The following FIGN variants were observed in gnomAD, a reference collection of about 807,000 sequenced individuals.
FIGN encodes fidgetin, microtubule severing factor.
FIGN carries 11 observed loss-of-function variants against 51.3 expected under a neutral mutation model. That is an observed-to-expected ratio of 0.21 (90% CI 0.13 to 0.35). FIGN has a LOEUF of 0.35. Among genes scored for constraint, FIGN ranks in the 10% least tolerant of loss-of-function variants. The pLI, the probability that FIGN is intolerant of heterozygous loss-of-function variation, is 1.00. For synonymous variants in FIGN, 407 were observed against 363.2 expected, an observed-to-expected ratio of 1.12 and a Z score of -1.37; for missense variants, 857 against 943.6, an observed-to-expected ratio of 0.91 and a Z score of 1.20.
chr2:163,710,916 T>G (rs1012786677), intron 2 of FIGN, among the ~76,000 whole-genome samples: 1 of 152,202 alleles, frequency 6.6e-6, no homozygotes, highest in Non-Finnish European at 1.5e-5. Flanking sequence ...CTGTACACAA[T>G]GGCTTGTCTG....
At chr2:163,733,472 C>T (rs1684962967) in intron 2 of FIGN, among the ~76,000 whole-genome samples, 1 of 152,164 alleles carries the variant, frequency 6.6e-6, no homozygotes, top group Non-Finnish European at 1.5e-5. Context: ...GGCAGCAGCC[C>T]AATCTGCTCT....
rs201811743 is a variant in FIGN at position 163,610,491 on chromosome 2, G to C, written c.1341C>G (p.Leu447=). ...LLSHPMQGPG[L]RAATSSNHSV... ...AGTGGTTGGATGAGGTAGCTGCACG[G>C]AGTCCAGGGCCTTGCATTGGGTGAG... Residue 447 remains leucine (L), a synonymous_variant, in exon 3 of 3, where the codon CTC becomes CTG. Coordinates refer to ENST00000333129, the MANE Select transcript of FIGN (RefSeq NM_018086.4). 6.2e-7 allele frequency: 1 copy of C among 1,614,136 alleles called. No homozygotes were observed. The highest frequency in any genetic ancestry group is 1.7e-5 in the Admixed American group (1 of 60,014).
Position 163,660,879 on chromosome 2 carries a change from ATTTTTTTTT to A in FIGN, c.26-49082_26-49074del, listed in dbSNP as rs71015599. Among the ~76,000 whole-genome samples the A allele has an allele frequency of 3.0e-4, 2 of 6,668 alleles. 1 individual carries two copies. Among genetic ancestry groups the A allele is most frequent in the Admixed American group, 5.6e-3 (2 of 360 alleles). The allele number at this position is 6,668 out of a possible 152,430, so 4.4% of individuals were successfully genotyped here. On this transcript the variant is annotated intron_variant, in intron 2 of 2. Transcript: ENST00000333129. ...TATACATATATATATATATATATAT[ATTTTTTTTT>A]TTTTTTTTTTTTTTTTTGAGATGGA...
intron 2 of FIGN, among the ~76,000 whole-genome samples, chr2:163,679,096 G>A (rs907456516): frequency 1.1e-4 from 17 of 152,092 alleles, no homozygotes; most frequent in Admixed American, 5.2e-4. Context: ...ATTCTTATAC[G>A]TTGAAGTTGA....
intron 2 of FIGN, chr2:163,612,471 G>A (rs1682766507): frequency 1.0e-6 from 1 of 985,134 alleles, no homozygotes; most frequent in Non-Finnish European, 1.2e-6. Context: ...GCTTCGTGGA[G>A]TGCAGCAAAG....
At chr2:163,680,569 G>A (rs965393057) in intron 2 of FIGN, among the ~76,000 whole-genome samples, 27 of 152,090 alleles carry the variant, frequency 1.8e-4, no homozygotes, top group African/African-American at 6.5e-4. Context: ...GAATTGATTT[G>A]CTCTTCTAGA....
intron 1 of FIGN, among the ~76,000 whole-genome samples, chr2:163,735,340 C>T (rs1320388983): frequency 6.6e-6 from 1 of 152,164 alleles, no homozygotes; most frequent in Non-Finnish European, 1.5e-5. Flanking sequence ...GATGTGCTTA[C>T]ATTTTTCTGC....
chr2:163,682,679 C>T (rs1024537728), intron 2 of FIGN, among the ~76,000 whole-genome samples: 2 of 152,256 alleles, frequency 1.3e-5, no homozygotes, highest in Middle Eastern at 3.4e-3. Flanking sequence ...TTTAAAAAGG[C>T]ATTCTTGTTA....
intron 2 of FIGN, among the ~76,000 whole-genome samples, chr2:163,676,464 T>G (rs1311278179): frequency 9.5e-6 from 1 of 104,800 alleles, no homozygotes. Context: ...TATATATATA[T>G]ATATATATAT....
chr2:163,618,560 A>G (rs1403315172), intron 2 of FIGN, among the ~76,000 whole-genome samples: 1 of 152,120 alleles, frequency 6.6e-6, no homozygotes, highest in East Asian at 1.9e-4. Flanking sequence ...TGGTTTGGCC[A>G]GCACAGGGCT....
At chr2:163,669,035 T>TATATATATATATATAC (rs1253146995) in intron 2 of FIGN, among the ~76,000 whole-genome samples, 10 of 148,588 alleles carry the variant, frequency 6.7e-5, no homozygotes, top group South Asian at 2.1e-4. Flanking sequence ...TATATATATA[T>TATATATATATATATAC]ACACTATAAA....
rs536863884 is a variant in FIGN at position 163,614,912 on chromosome 2, A to T, written c.26-3106T>A. ...ATATTATTCATACAAGAGATGAAAA[A>T]ATGATTTTAATAAGTTATAATCACT... On this transcript the variant is annotated intron_variant, in intron 2 of 2. Coordinates refer to ENST00000333129, the MANE Select transcript of FIGN (RefSeq NM_018086.4). 1.1e-4 allele frequency among the ~76,000 whole-genome samples: 16 copies of T among 152,278 alleles called. No homozygotes were observed. The South Asian group carries it at 3.1e-3, about 30-fold the overall frequency.
In FIGN at chr2:163,611,567, T is replaced by C. The variant is rs768525808; in HGVS notation, c.265A>G (p.Ser89Gly). Residue 89 changes from serine to glycine, a missense_variant, in exon 3 of 3, where the codon AGC becomes GGC. By Grantham distance (56) the Ser-to-Gly change is moderately conservative. Around this residue, in one of 3 missense-constraint regions of FIGN, gnomAD observed 799 missense variants for 849.5 expected, o/e 0.94. Coordinates refer to ENST00000333129, the MANE Select transcript of FIGN (RefSeq NM_018086.4). The stretch of plus-strand genomic sequence containing the variant: ...CCTGATGGTGTGTCCGAATAGTTGC[T>C]GAGTACGGGTCGGTCCACAGGACCT... ...LEGPVDRPVLSNYSDTPSGLV... is the reference protein window; with the variant it reads ...LEGPVDRPVLGNYSDTPSGLV... 1.9e-6 allele frequency: 3 copies of C among 1,614,230 alleles called. No individual in the cohort carries two copies. The highest frequency in any genetic ancestry group is 2.5e-6 in the Non-Finnish European group (3 of 1,180,024).
chr2:163,624,708 A>ATATAT (rs564288395), intron 2 of FIGN, among the ~76,000 whole-genome samples: 102 of 145,484 alleles, frequency 7.0e-4, no homozygotes, highest in African/African-American at 2.6e-3. Flanking sequence ...ATATATATAT[A>ATATAT]TTTTTTTTTT....
intron 2 of FIGN, among the ~76,000 whole-genome samples, chr2:163,704,197 C>G (rs137977078): frequency 6.6e-4 from 100 of 152,222 alleles, no homozygotes; most frequent in Non-Finnish European, 1.2e-3. Context: ...AATATGCTTA[C>G]ATGAATAATA....
intron 2 of FIGN, among the ~76,000 whole-genome samples, chr2:163,655,187 A>G (rs1398854003): frequency 1.3e-5 from 2 of 152,172 alleles, no homozygotes; most frequent in African/African-American, 2.4e-5. Context: ...AGTAGCCAAC[A>G]CTTGACAAAC....
At chr2:163,635,370 C>A (rs913500784) in intron 2 of FIGN, among the ~76,000 whole-genome samples, 1 of 152,114 alleles carries the variant, frequency 6.6e-6, no homozygotes, top group African/African-American at 2.4e-5. Context: ...GAGCTAGAGA[C>A]CAGTCTGGGC....
chr2:163,607,241 T>G lies in FIGN; in HGVS notation c.*2311A>C, dbSNP rs1691129498. The G allele has an allele frequency of 6.6e-6, 1 of 152,350 alleles. No homozygotes were observed. The highest frequency in any genetic ancestry group is 6.5e-5 in the Admixed American group (1 of 15,304). 9.4% of individuals were successfully genotyped at this position (152,350 alleles called of 1,614,324 possible). ...ACAAGTTAATGTGGATATTAGAATT[T>G]CCTTACAAGGGATGCACAGGGTAGA... is the stretch of plus-strand genomic sequence containing the variant. On this transcript the variant is annotated 3_prime_UTR_variant, in exon 3 of 3. Coordinates refer to ENST00000333129, the MANE Select transcript of FIGN (RefSeq NM_018086.4).
chr2:163,653,837 T>G (rs1291187228), intron 2 of FIGN, among the ~76,000 whole-genome samples: 3 of 152,132 alleles, frequency 2.0e-5, no homozygotes, highest in Non-Finnish European at 4.4e-5. Flanking sequence ...AAACTTTTAA[T>G]TTTAGGTACA....
Sources: allele counts gnomAD v4.1 joint callset (sites outside exome capture counted in the v4.1 genomes callset), GRCh38; gene constraint gnomAD v4.1.1; regional missense constraint gnomAD v4.1.1; transcripts MANE v1.5; gene names NCBI Gene and HGNC (gene_info 2026-07-23, HGNC 2026-07-21).